MYOM1: variants seen among roughly 807,000 people sequenced by gnomAD.
MYOM1 encodes myomesin 1.
Under a neutral mutation model 205.3 loss-of-function variants are expected in MYOM1, and 164 were observed. The ratio of observed to expected loss-of-function variants is 0.80; its 90% confidence interval spans 0.70 to 0.91. The LOEUF (loss-of-function observed/expected upper bound fraction) is 0.91. MYOM1 is among the 40% of genes least tolerant of loss of function. MYOM1 has a pLI of 0.00. For missense variants in MYOM1, 2,011 were observed against 2,127.3 expected (o/e 0.95, Z 1.08); for synonymous variants, 772 against 789.4 (o/e 0.98, Z 0.37).
chr18:3,131,798 T>C (rs1404624659), intron 16 of MYOM1, among the ~76,000 whole-genome samples: 1 of 151,840 alleles, frequency 6.6e-6, no homozygotes, highest in Non-Finnish European at 1.5e-5. Context: ...AGGTAATATA[T>C]ATACTTTAGA....
intron 12 of MYOM1, among the ~76,000 whole-genome samples, chr18:3,151,473 TAAATA>T (rs71159050): frequency 3.7e-4 from 53 of 143,988 alleles, no homozygotes; most frequent in African/African-American, 9.9e-4. Flanking sequence ...TAAAATAAAA[TAAATA>T]AAATAAAATA....
chr18:3,233,446 C>T, the MYOM1 span, among the ~76,000 whole-genome samples: 7 of 152,276 alleles, frequency 4.6e-5, no homozygotes, highest in South Asian at 8.3e-4. Flanking sequence ...TCCCCTTACC[C>T]GCTTACTATC....
chr18:3,164,039 T>G (rs987771092), intron 10 of MYOM1, among the ~76,000 whole-genome samples: 5 of 148,660 alleles, frequency 3.4e-5, no homozygotes, highest in African/African-American at 1.2e-4. Context: ...TTTTTTTTTG[T>G]AGAAATGGGT....
intron 25 of MYOM1, among the ~76,000 whole-genome samples, chr18:3,095,547 A>G (rs1237373712): frequency 6.6e-6 from 1 of 152,198 alleles, no homozygotes; most frequent in Admixed American, 6.5e-5. Flanking sequence ...CAGCCTGGGC[A>G]ACAAAGTGAG....
intron 5 of MYOM1, among the ~76,000 whole-genome samples, chr18:3,178,683 A>T (rs1005473950): frequency 1.3e-5 from 2 of 152,232 alleles, no homozygotes; most frequent in Non-Finnish European, 2.9e-5. Context: ...CAAGATTCAG[A>T]TCAAATGCAA....
intron 2 of MYOM1, among the ~76,000 whole-genome samples, chr18:3,200,523 A>G (rs1306962897): frequency 1.3e-5 from 2 of 152,214 alleles, no homozygotes; most frequent in Admixed American, 1.3e-4. Context: ...CAAATAGAGA[A>G]TGTCAACAAA....
chr18:3,192,240 C>T (rs2080921180), intron 3 of MYOM1, among the ~76,000 whole-genome samples: 1 of 152,100 alleles, frequency 6.6e-6, no homozygotes, highest in African/African-American at 2.4e-5. Flanking sequence ...CTCTAGCCTA[C>T]CATCTCTTAT....
intron 14 of MYOM1, among the ~76,000 whole-genome samples, chr18:3,141,498 G>A (rs552313257): frequency 2.7e-4 from 41 of 152,276 alleles, no homozygotes; most frequent in Non-Finnish European, 4.4e-4. Flanking sequence ...CCGGCCATTT[G>A]AGAGTATTGC....
At chr18:3,083,427 C>CTTTTTTTTTTTTTTTTTTTTTTTTTTTTT (rs35959808) in intron 33 of MYOM1, among the ~76,000 whole-genome samples, 13 of 98,522 alleles carry the variant, frequency 1.3e-4, no homozygotes, top group Non-Finnish European at 2.0e-4. Context: ...TTTTCTTTTT[C>CTTTTTTTTTTTTTTTTTTTTTTTTTTTTT]TTTTTTTTTT....
Position 3,089,210 on chromosome 18 carries a change from T to C in MYOM1, c.4101A>G (p.Glu1367=). 6.2e-7 allele frequency: 1 copy of C among 1,612,074 alleles called. No homozygotes were observed. The highest frequency in any genetic ancestry group is 8.5e-7 in the Non-Finnish European group (1 of 1,178,652). The change falls in exon 29 of 38, where the codon GAA becomes GAG. Residue 1367 remains glutamate, a synonymous_variant. Transcript: ENST00000356443. ...ATAGTACATTACATTCACCAGTCAC[T>C]TCCCAGCTCAAATACTCAACAAAGT... ...GPHFVEYLSW[E]VTGECNVLLK... is the part of the protein sequence containing the mutation.
Position 3,135,809 on chromosome 18 carries a change from T to C in MYOM1, c.2026-79A>G. The C allele has an allele frequency of 1.3e-6, 2 of 1,511,158 alleles. No homozygotes were observed. Among genetic ancestry groups the C allele is most frequent in the Admixed American group, 1.8e-5 (1 of 54,646 alleles). The allele number at this position is 1,511,158 out of a possible 1,614,324, so 93.6% of individuals were successfully genotyped here. On this transcript the variant is annotated intron_variant, in intron 14 of 37. Coordinates refer to ENST00000356443, the MANE Select transcript of MYOM1 (RefSeq NM_003803.4). The surrounding 1 kb of genome is among the most constrained non-coding windows in gnomAD (Gnocchi z 4.1). The stretch of plus-strand genomic sequence containing the variant: ...CCAGGCCAGGCAACTCCAAGTTTCA[T>C]TCATCTGCAACAAACCACTCCCTGT...
intron 13 of MYOM1, among the ~76,000 whole-genome samples, chr18:3,142,902 C>G (rs907350121): frequency 6.6e-6 from 1 of 151,964 alleles, no homozygotes; most frequent in African/African-American, 2.4e-5. Flanking sequence ...TCTTATCAGG[C>G]AGGGAGGGAG....
intron 16 of MYOM1, 33 bp downstream of exon 16, chr18:3,134,617 C>T (rs1286800110): frequency 6.3e-7 from 1 of 1,576,594 alleles, no homozygotes; most frequent in Non-Finnish European, 8.6e-7. Flanking sequence ...GCTCCAGAGG[C>T]CATTGCCCGC....
chr18:3,099,634 G>T (rs937620245), intron 25 of MYOM1, among the ~76,000 whole-genome samples: 11 of 152,150 alleles, frequency 7.2e-5, no homozygotes, highest in African/African-American at 2.7e-4. Flanking sequence ...TATGTAGAAG[G>T]TGCTTTATTG....
chr18:3,232,998 C>A, the MYOM1 span, among the ~76,000 whole-genome samples: 4 of 152,116 alleles, frequency 2.6e-5, no homozygotes, highest in Non-Finnish European at 4.4e-5. Flanking sequence ...AAGGCATGCA[C>A]CCTAATGAGC....
rs147227109 is a variant in MYOM1 at position 3,166,092 on chromosome 18, T to C, written c.1340-1653A>G. ...TGTGCCATAGTCCCACTGGACTCCATGTATAAAACACAAGATCAAAGATAA... is the reference window on the plus strand; with the variant it reads ...TGTGCCATAGTCCCACTGGACTCCACGTATAAAACACAAGATCAAAGATAA... On this transcript the variant is annotated intron_variant, in intron 9 of 37. Transcript: ENST00000356443. 5.4e-3 allele frequency among the ~76,000 whole-genome samples: 827 copies of C among 152,240 alleles called. 3 individuals are homozygous for C. The highest frequency in any genetic ancestry group is 0.019 in the African/African-American group (794 of 41,530).
chr18:3,172,224 G>A (rs1441185814), intron 8 of MYOM1, among the ~76,000 whole-genome samples: 1 of 152,224 alleles, frequency 6.6e-6, no homozygotes. Flanking sequence ...CAGGTGCTTA[G>A]TAAATATTAA....
At chr18:3,160,197 C>CT (rs538189698) in intron 10 of MYOM1, among the ~76,000 whole-genome samples, 2 of 134,554 alleles carry the variant, frequency 1.5e-5, no homozygotes, top group Non-Finnish European at 3.2e-5. Flanking sequence ...TTTTTTCTTT[C>CT]TTTTTTTTGA....
At chr18:3,237,995 G>A in the MYOM1 span, among the ~76,000 whole-genome samples, 1 of 152,234 alleles carries the variant, frequency 6.6e-6, no homozygotes, top group African/African-American at 2.4e-5. Flanking sequence ...TGGCGGTCGG[G>A]GGGCAATGAT....
Sources: allele counts gnomAD v4.1 joint callset (sites outside exome capture counted in the v4.1 genomes callset), GRCh38; gene constraint gnomAD v4.1.1; non-coding constraint Gnocchi (gnomAD v3.1); transcripts MANE v1.5; gene names NCBI Gene and HGNC (gene_info 2026-07-23, HGNC 2026-07-21).